CDH12: variants seen among roughly 807,000 people sequenced by gnomAD.
CDH12 encodes the protein cadherin 12, also known as cadherin-12.
Under a neutral mutation model 74.1 loss-of-function variants are expected in CDH12, and 41 were observed. That is an observed-to-expected ratio of 0.55 (90% confidence interval 0.43 to 0.72). CDH12 has a LOEUF of 0.72. CDH12 is among the 30% of genes least tolerant of loss of function. The pLI is 0.00. For missense variants in CDH12, 945 were observed against 977.2 expected (o/e 0.97, Z 0.44); for synonymous variants, 399 against 355.0 (o/e 1.12, Z -1.39).
intron 1 of CDH12, among the ~76,000 whole-genome samples, chr5:22,540,119 C>CT (rs1658166938): frequency 1.3e-5 from 2 of 151,938 alleles, no homozygotes; most frequent in African/African-American, 2.4e-5. Flanking sequence ...AAATGTTTAT[C>CT]TTTTTTTAGC....
At chr5:22,600,754 T>G (rs1736819909) in intron 1 of CDH12, among the ~76,000 whole-genome samples, 1 of 152,068 alleles carries the variant, frequency 6.6e-6, no homozygotes, top group African/African-American at 2.4e-5. Context: ...CTTTACGTAA[T>G]TTTACATATA....
At chr5:22,128,642 T>C (rs1746014196) in intron 4 of CDH12, among the ~76,000 whole-genome samples, 1 of 152,162 alleles carries the variant, frequency 6.6e-6, no homozygotes, top group Admixed American at 6.6e-5. Context: ...AACAAAGCAG[T>C]ATTTTTTAAA....
chr5:22,457,388 C>T (rs949359826), intron 2 of CDH12, among the ~76,000 whole-genome samples: 1 of 148,762 alleles, frequency 6.7e-6, no homozygotes, highest in African/African-American at 2.5e-5. Flanking sequence ...TTTCCTTCTC[C>T]TTCTCCTTCT....
intron 2 of CDH12, among the ~76,000 whole-genome samples, chr5:22,441,821 A>G (rs1744635116): frequency 6.6e-6 from 1 of 152,098 alleles, no homozygotes; most frequent in Non-Finnish European, 1.5e-5. Context: ...CTCATTCCTC[A>G]GCCTCTCAAG....
chr5:22,378,514 T>C (rs1321923951), intron 3 of CDH12, among the ~76,000 whole-genome samples: 1 of 152,052 alleles, frequency 6.6e-6, no homozygotes, highest in African/African-American at 2.4e-5. Context: ...AAATATAAAC[T>C]TTTGGTTCAG....
chr5:22,784,003 T>G (rs1450070020), intron 1 of CDH12, among the ~76,000 whole-genome samples: 5 of 151,936 alleles, frequency 3.3e-5, no homozygotes, highest in Non-Finnish European at 7.4e-5. Context: ...ACTGGAAGAG[T>G]GTCTCTCATA....
chr5:21,924,513 T>C (rs572622017), intron 6 of CDH12, among the ~76,000 whole-genome samples: 11 of 141,940 alleles, frequency 7.7e-5, no homozygotes, highest in African/African-American at 2.8e-4. Context: ...CCAAACTGCA[T>C]CTCAATAAAT....
At chr5:21,959,650 C>T (rs926531171) in intron 6 of CDH12, among the ~76,000 whole-genome samples, 2 of 151,324 alleles carry the variant, frequency 1.3e-5, no homozygotes, top group East Asian at 2.0e-4. Flanking sequence ...TGGCTCACAC[C>T]TGTAATCCCA....
chr5:22,342,131 T>C (rs1052292803), intron 3 of CDH12, among the ~76,000 whole-genome samples: 2 of 152,078 alleles, frequency 1.3e-5, no homozygotes, highest in Non-Finnish European at 2.9e-5. Context: ...ATAAGGGCAT[T>C]AATCCCATTA....
At chr5:22,204,162 G>T (rs1448887467) in intron 4 of CDH12, among the ~76,000 whole-genome samples, 6 of 129,844 alleles carry the variant, frequency 4.6e-5, no homozygotes, top group African/African-American at 1.3e-4. Flanking sequence ...TGTTTTGTTT[G>T]TTTTTTTTTT....
chr5:22,390,742 C>T (rs527699453), intron 3 of CDH12, among the ~76,000 whole-genome samples: 20 of 152,172 alleles, frequency 1.3e-4, no homozygotes, highest in South Asian at 8.3e-4. Flanking sequence ...ATTGTGGTCA[C>T]GAACACAAAA....
intron 5 of CDH12, among the ~76,000 whole-genome samples, chr5:22,024,289 A>T (rs1738194503): frequency 6.6e-6 from 1 of 152,148 alleles, no homozygotes; most frequent in African/African-American, 2.4e-5. Flanking sequence ...CTGCAATGTA[A>T]AACTGCTTAT....
chr5:21,898,124 TA>T (rs995363863), intron 6 of CDH12, among the ~76,000 whole-genome samples: 5 of 152,072 alleles, frequency 3.3e-5, no homozygotes, highest in African/African-American at 1.2e-4. Context: ...CCAGAATAAA[TA>T]AAAAACTTGG....
intron 6 of CDH12, among the ~76,000 whole-genome samples, chr5:21,974,017 C>T (rs1756962180): frequency 6.6e-6 from 1 of 151,946 alleles, no homozygotes; most frequent in South Asian, 2.1e-4. Context: ...AGATTATGGT[C>T]CTTAAATGCC....
intron 1 of CDH12, among the ~76,000 whole-genome samples, chr5:22,507,625 T>C (rs1171688601): frequency 1.3e-5 from 2 of 152,182 alleles, no homozygotes; most frequent in African/African-American, 2.4e-5. Context: ...AAGTGAGACA[T>C]AAACTTCCAA....
intron 1 of CDH12, chr5:22,638,965 G>A (rs1738984824): frequency 6.7e-6 from 1 of 148,330 alleles, no homozygotes; most frequent in Non-Finnish European, 1.5e-5. Flanking sequence ...GCAGGAGAAT[G>A]GCGTGAACCC....
chr5:22,697,398 C>T (rs140214702), intron 1 of CDH12, among the ~76,000 whole-genome samples: 13 of 151,908 alleles, frequency 8.6e-5, no homozygotes, highest in African/African-American at 2.2e-4. Flanking sequence ...GGTGGAACCC[C>T]GTCTCTACTA....
intron 6 of CDH12, among the ~76,000 whole-genome samples, chr5:21,935,838 A>G (rs1755051489): frequency 6.6e-6 from 1 of 152,236 alleles, no homozygotes; most frequent in African/African-American, 2.4e-5. Context: ...AAGTGAGAGC[A>G]TCCGAAGTTT....
intron 4 of CDH12, among the ~76,000 whole-genome samples, chr5:22,185,906 T>TA (rs1468143092): frequency 1.3e-5 from 2 of 152,126 alleles, no homozygotes; most frequent in Non-Finnish European, 2.9e-5. Context: ...TTAAGAACAG[T>TA]AAAAAACAAT....
Sources: gnomAD v4.1 joint callset for allele counts (sites outside exome capture counted in the v4.1 genomes callset) on GRCh38, gnomAD v4.1.1 for gene constraint, MANE v1.5 for transcripts, NCBI Gene and HGNC (gene_info 2026-07-23, HGNC 2026-07-21) for gene names.